Variants in VPS35L observed in about 807,000 individuals in gnomAD.
The protein encoded by VPS35L is VPS35 endosomal protein sorting factor like.
Under a neutral mutation model 133.0 loss-of-function variants are expected in VPS35L, and 83 were observed. The observed-to-expected ratio is 0.62, with a 90% confidence interval of 0.52 to 0.75. The LOEUF (loss-of-function observed/expected upper bound fraction) is 0.75. Ranked by LOEUF, VPS35L falls within the 30% of genes least tolerant of loss-of-function variation. The pLI is 0.00. For synonymous variants in VPS35L, 423 were observed against 449.9 expected (o/e 0.94, Z 0.76); for missense variants, 1,083 against 1,206.8 (o/e 0.90, Z 1.52).
intron 7 of VPS35L, among the ~76,000 whole-genome samples, chr16:19,583,643 A>G (rs890625939): frequency 1.3e-5 from 2 of 151,958 alleles, no homozygotes; most frequent in Admixed American, 1.3e-4. Flanking sequence ...AATTGCGTGA[A>G]CATGGGAGGT....
chr16:19,589,483 G>C (rs1308846222), intron 7 of VPS35L, among the ~76,000 whole-genome samples: 1 of 152,020 alleles, frequency 6.6e-6, no homozygotes, highest in Non-Finnish European at 1.5e-5. Flanking sequence ...GGGCCCAGGC[G>C]ATCTTCCTGC....
intron 27 of VPS35L, among the ~76,000 whole-genome samples, chr16:19,672,290 G>C (rs967156234): frequency 6.6e-6 from 1 of 152,128 alleles, no homozygotes; most frequent in Non-Finnish European, 1.5e-5. Flanking sequence ...GTGATTCAGG[G>C]GTAAGTGGTC....
At chr16:19,630,402 C>T (rs372234942) in intron 18 of VPS35L, among the ~76,000 whole-genome samples, 3 of 140,160 alleles carry the variant, frequency 2.1e-5, no homozygotes, top group African/African-American at 8.2e-5. Context: ...GGCGTGGTCT[C>T]GGCTCACTGC....
chr16:19,632,745 C>G (rs1567440921), intron 18 of VPS35L, among the ~76,000 whole-genome samples: 1 of 152,252 alleles, frequency 6.6e-6, no homozygotes. Context: ...CTGCAGTCTT[C>G]CGCAGTGCTT....
intron 12 of VPS35L, among the ~76,000 whole-genome samples, chr16:19,614,032 G>T (rs1036659839): frequency 6.6e-6 from 1 of 151,862 alleles, no homozygotes; most frequent in Non-Finnish European, 1.5e-5. Context: ...AGTGGGTAGA[G>T]CGTGGGGGGA....
chr16:19,619,332 C>T (rs1282576087), intron 14 of VPS35L, among the ~76,000 whole-genome samples: 1 of 152,108 alleles, frequency 6.6e-6, no homozygotes, highest in Non-Finnish European at 1.5e-5. Flanking sequence ...ACATCTTGTA[C>T]TTCAGGTGAA....
At chr16:19,570,717 C>T (rs922476756) in intron 3 of VPS35L, among the ~76,000 whole-genome samples, 2 of 151,222 alleles carry the variant, frequency 1.3e-5, no homozygotes, top group African/African-American at 4.9e-5. Flanking sequence ...TTGGAATCCT[C>T]ATTAAAGAGG....
chr16:19,628,611 A>C (rs753466785), intron 16 of VPS35L, 26 bp from the exon 17 acceptor site: 1 of 1,273,268 alleles, frequency 7.9e-7, no homozygotes, highest in Non-Finnish European at 1.1e-6. Flanking sequence ...AATTTCCATA[A>C]CATGATGGTT....
chr16:19,611,142 G>A (rs1320184712), intron 12 of VPS35L, among the ~76,000 whole-genome samples: 1 of 152,118 alleles, frequency 6.6e-6, no homozygotes, highest in Non-Finnish European at 1.5e-5. Context: ...TGAGATTACA[G>A]GTGTCCGCCA....
At chr16:19,624,263 G>A (rs1221264643) in intron 14 of VPS35L, among the ~76,000 whole-genome samples, 5 of 151,326 alleles carry the variant, frequency 3.3e-5, no homozygotes, top group African/African-American at 7.3e-5. Flanking sequence ...CCACAGGCAC[G>A]TACCACCACA....
chr16:19,696,283 C>T (rs1975908218), intron 29 of VPS35L, among the ~76,000 whole-genome samples: 1 of 152,162 alleles, frequency 6.6e-6, no homozygotes, highest in Admixed American at 6.5e-5. Flanking sequence ...GGTATCCAGG[C>T]CCATCACAGA....
At chr16:19,576,056 C>T (rs1185468200) in intron 5 of VPS35L, among the ~76,000 whole-genome samples, 2 of 147,180 alleles carry the variant, frequency 1.4e-5, no homozygotes, top group Admixed American at 1.4e-4. Flanking sequence ...ATCCCAGCTA[C>T]TCAGGAGGCT....
chr16:19,570,707 T>C lies in VPS35L; in HGVS notation c.285+1116T>C, dbSNP rs564620522. ...TTCTCTTACTACCTTGTGAGAGGTA[T>C]TGGAATCCTCATTAAAGAGGCAGCC... On this transcript the variant is annotated intron_variant, in intron 3 of 30. Transcript: ENST00000417362. 3.2e-3 allele frequency among the ~76,000 whole-genome samples: 489 copies of C among 151,512 alleles called. 7 individuals are homozygous for C. Among genetic ancestry groups the C allele is most frequent in the Non-Finnish European group, 1.0e-3 (69 of 67,830 alleles).
chr16:19,617,901 CT>C (rs1342764404), intron 14 of VPS35L: 2 of 155,256 alleles, frequency 1.3e-5, no homozygotes, highest in African/African-American at 4.8e-5. Flanking sequence ...CCAGGCCTGT[CT>C]TTTGTAAAGA....
At chr16:19,593,515 A>G (rs561672054) in intron 8 of VPS35L, among the ~76,000 whole-genome samples, 59 of 152,336 alleles carry the variant, frequency 3.9e-4, no homozygotes, top group African/African-American at 1.3e-3. Flanking sequence ...CAAGAAAGCT[A>G]ACTAACCTTG....
At chr16:19,567,108 C>T (rs1164517111) in intron 2 of VPS35L, among the ~76,000 whole-genome samples, 2 of 152,166 alleles carry the variant, frequency 1.3e-5, no homozygotes, top group Non-Finnish European at 2.9e-5. Flanking sequence ...GTAGGTTACA[C>T]TCTGTTTACA....
chr16:19,691,484 T>G lies in VPS35L; in HGVS notation c.2646+13T>G, dbSNP rs756217079. 5 of 1,596,226 alleles carry G rather than the reference T, an allele frequency of 3.1e-6. No homozygotes were observed. In the Admixed American group the frequency reaches 8.3e-5, roughly 27 times the overall value. On this transcript the variant is annotated intron_variant, in intron 29 of 30. Transcript: ENST00000417362. ...GGCCAAGGACGAGGTGGGTGCCCTC[T>G]GCTGTCCTCCACCCGCCCCTTGCTC...
Position 19,564,841 on chromosome 16 carries a change from T to C in VPS35L, c.18-10T>C. The C allele has an allele frequency of 3.1e-6, 5 of 1,607,724 alleles. No individual in the cohort carries two copies. The highest frequency in any genetic ancestry group is 4.3e-6 in the Non-Finnish European group (5 of 1,174,782). The stretch of plus-strand genomic sequence containing the variant: ...CATCCACTAATTGGCTGTGTTTCGC[T>C]GTTTACCAGGCACTCCAGGAATAGG... On this transcript the variant is annotated splice_polypyrimidine_tract_variant and intron_variant, in intron 1 of 30. Transcript: ENST00000417362.
chr16:19,622,396 G>A (rs1973114500), intron 14 of VPS35L, among the ~76,000 whole-genome samples: 1 of 151,840 alleles, frequency 6.6e-6, no homozygotes, highest in African/African-American at 2.4e-5. Flanking sequence ...ACCCACCTGA[G>A]CCTCCAAAGT....
Sources: allele counts gnomAD v4.1 joint callset (sites outside exome capture counted in the v4.1 genomes callset), GRCh38; gene constraint gnomAD v4.1.1; transcripts MANE v1.5; gene names NCBI Gene and HGNC (gene_info 2026-07-23, HGNC 2026-07-21).